ABCA4: variants seen among roughly 807,000 people sequenced by gnomAD.
ABCA4 encodes ATP binding cassette subfamily A member 4.
ABCA4 carries 196 observed loss-of-function variants against 263.7 expected under a neutral mutation model. That is an observed-to-expected ratio of 0.74 (90% confidence interval 0.66 to 0.84). The LOEUF (loss-of-function observed/expected upper bound fraction) is 0.84. ABCA4 is among the 40% of genes least tolerant of loss of function. The pLI, the probability that ABCA4 is intolerant of heterozygous loss-of-function variation, is 0.00. For missense variants in ABCA4, 2,792 were observed against 2,855.1 expected (o/e 0.98, Z 0.50); for synonymous variants, 1,133 against 1,094.2 (o/e 1.04, Z -0.70).
At position 94,099,003 on chromosome 1, in the gene ABCA4, A is replaced by C. The variant is rs1357187982; in HGVS notation, c.571-12T>G. 3.7e-6 allele frequency: 6 copies of C among 1,600,932 alleles called. No individual in the cohort carries two copies. The highest frequency in any genetic ancestry group is 3.4e-5 in the Admixed American group (2 of 59,614). On this transcript the variant is annotated splice_polypyrimidine_tract_variant and intron_variant, in intron 5 of 49. Transcript: ENST00000370225. Reference sequence around the variant, plus strand: ...ACTCCATGAGCGAACTGCAGGGAGAAGAGGCAACACTAGAAACTGCCCTGT... The same window carrying C: ...ACTCCATGAGCGAACTGCAGGGAGACGAGGCAACACTAGAAACTGCCCTGT...
chr1:94,078,547 G>T, intron 10 of ABCA4, 43 bp downstream of exon 10: 5 of 885,856 alleles, frequency 5.6e-6, no homozygotes, highest in Non-Finnish European at 8.9e-6. Context: ...TGCCCCCACC[G>T]CTTCCTCCTC....
At chr1:94,029,381 A>T in intron 30 of ABCA4, 64 bp downstream of exon 30, 1 of 1,386,090 alleles carries the variant, frequency 7.2e-7, no homozygotes, top group Non-Finnish European at 9.7e-7. Context: ...AGGAGATACC[A>T]GGGACTCCCC....
At position 94,054,842 on chromosome 1, in the gene ABCA4, C is replaced by T. The variant is rs75197161; in HGVS notation, c.2587+269G>A. The stretch of plus-strand genomic sequence containing the variant: ...AAAGGATCTCCCTGAATACAGTGTG[C>T]AGAATGGACTGATGGGAGGTGGTAG... On this transcript the variant is annotated intron_variant, in intron 16 of 49. Coordinates refer to ENST00000370225, the MANE Select transcript of ABCA4 (RefSeq NM_000350.3). Among the ~76,000 whole-genome samples the T allele has an allele frequency of 5.1e-3, 783 of 152,130 alleles. 17 individuals are homozygous for T. The highest frequency in any genetic ancestry group is 0.035 in the East Asian group (182 of 5,164).
intron 11 of ABCA4, among the ~76,000 whole-genome samples, chr1:94,076,604 T>C (rs1661543766): frequency 6.6e-6 from 1 of 152,016 alleles, no homozygotes; most frequent in African/African-American, 2.4e-5. Context: ...GGTAGCAGAG[T>C]TGAGCAAGGG....
rs530585857 is a variant in ABCA4 at position 94,004,630 on chromosome 1, T to A, written c.6147+811A>T. On this transcript the variant is annotated intron_variant, in intron 44 of 49. Transcript: ENST00000370225. Reference sequence around the variant, plus strand: ...GTTACTTTATTTAGTTTGCTGTCAGTGTTAGGTTTTCTTTTTGTTTTCATT... The same window carrying A: ...GTTACTTTATTTAGTTTGCTGTCAGAGTTAGGTTTTCTTTTTGTTTTCATT... Among the ~76,000 whole-genome samples the A allele has an allele frequency of 2.1e-3, 315 of 152,336 alleles. 2 individuals are homozygous for A. The highest frequency in any genetic ancestry group is 7.3e-3 in the African/African-American group (303 of 41,582).
chr1:94,014,529 A>G lies in ABCA4; in HGVS notation c.5460+14T>C, dbSNP rs778171793. 6.2e-6 allele frequency: 10 copies of G among 1,613,996 alleles called. No individual in the cohort carries two copies. The African/African-American group carries it at 1.2e-4, about 19-fold the overall frequency. ...CTACTAATCAAACAAAAAAGCCAAG[A>G]AAGTTATGCTCACCCGGTTATTCTC... On this transcript the variant is annotated intron_variant, in intron 38 of 49. Transcript: ENST00000370225.
intron 11 of ABCA4, among the ~76,000 whole-genome samples, chr1:94,068,729 T>C (rs1039983983): frequency 6.6e-6 from 1 of 152,082 alleles, no homozygotes; most frequent in Non-Finnish European, 1.5e-5. Flanking sequence ...AGAATGTAGG[T>C]AGACAAGAAC....
At chr1:94,015,036 T>C (rs1166021757) in intron 37 of ABCA4, among the ~76,000 whole-genome samples, 1 of 152,132 alleles carries the variant, frequency 6.6e-6, no homozygotes, top group East Asian at 1.9e-4. Context: ...GCTGAGGTCA[T>C]CTCAGATGAG....
chr1:94,029,535 G>A lies in ABCA4; in HGVS notation c.4449C>T (p.Asn1483=), dbSNP rs1660139227. The A allele has an allele frequency of 3.7e-6, 6 of 1,612,216 alleles. No individual in the cohort carries two copies. The highest frequency in any genetic ancestry group is 5.1e-6 in the Non-Finnish European group (6 of 1,179,168). Reference sequence around the variant, plus strand: ...TGCTGCACCTGCAGGATGGTGAAGGGTTGACCTGTGTCCATTTCTGCTTCT... The same window carrying A: ...TGCTGCACCTGCAGGATGGTGAAGGATTGACCTGTGTCCATTTCTGCTTCT... ...LFQKQKWTQV[N]PSPSCRCSTR... is the part of the protein sequence containing the mutation. The change falls in exon 30 of 50, where the codon AAC becomes AAT. Residue 1483 remains asparagine, a synonymous_variant. Transcript: ENST00000370225.
At chr1:94,057,502 A>G (rs1449724733) in intron 14 of ABCA4, among the ~76,000 whole-genome samples, 1 of 152,098 alleles carries the variant, frequency 6.6e-6, no homozygotes, top group African/African-American at 2.4e-5. Context: ...GAGCTTCAAC[A>G]TTTTGCCTGG....
intron 5 of ABCA4, among the ~76,000 whole-genome samples, chr1:94,101,739 A>C (rs1662292388): frequency 1.3e-5 from 2 of 152,338 alleles, no homozygotes; most frequent in Admixed American, 1.3e-4. Context: ...CAGCTGCTGC[A>C]GATCTAGCAT....
Position 94,041,246 on chromosome 1 carries a change from T to A in ABCA4, c.3485A>T (p.Lys1162Met), listed in dbSNP as rs1361239964. The A allele has an allele frequency of 6.2e-7, 1 of 1,614,188 alleles. No homozygotes were observed. Among genetic ancestry groups the A allele is most frequent in the Admixed American group, 1.7e-5 (1 of 60,026 alleles). Residue 1162 changes from lysine to methionine, a missense_variant, in exon 23 of 50, where the codon AAG becomes ATG. Physicochemically the swap from Lys to Met is moderately conservative, Grantham distance 95. Transcript: ENST00000370225. ...CCTTTGGCTCTGGATGTTTTTCATC[T>A]TGCGCACCAAGGTTAAGTACAAGCC... ...GTGLYLTLVRKMKNIQSQRKG... is the reference protein window; with the variant it reads ...GTGLYLTLVRMMKNIQSQRKG...
At chr1:94,006,838 T>G (rs763842402) in intron 43 of ABCA4, among the ~76,000 whole-genome samples, 1 of 152,198 alleles carries the variant, frequency 6.6e-6, no homozygotes, top group Non-Finnish European at 1.5e-5. Flanking sequence ...CTAACTCCAC[T>G]TATAAACCAG....
At chr1:94,035,630 G>C (rs1029482777) in intron 26 of ABCA4, among the ~76,000 whole-genome samples, 40 of 152,210 alleles carry the variant, frequency 2.6e-4, no homozygotes, top group African/African-American at 9.4e-4. Context: ...TGCCACACTG[G>C]AAAGAAGGAG....
chr1:94,094,790 G>A (rs968580632), intron 6 of ABCA4, among the ~76,000 whole-genome samples: 1 of 152,180 alleles, frequency 6.6e-6, no homozygotes, highest in Non-Finnish European at 1.5e-5. Context: ...GGAGAAGGAG[G>A]GGCATGCATG....
intron 26 of ABCA4, among the ~76,000 whole-genome samples, chr1:94,034,547 T>C (rs577847649): frequency 2.0e-5 from 3 of 151,942 alleles, no homozygotes; most frequent in Admixed American, 1.3e-4. Context: ...ATTTAAACAC[T>C]GGAGACAAGA....
chr1:94,051,259 T>C (rs1343146872), intron 17 of ABCA4, among the ~76,000 whole-genome samples: 2 of 152,182 alleles, frequency 1.3e-5, no homozygotes, highest in African/African-American at 4.8e-5. Flanking sequence ...AGGAAGGCAA[T>C]GGGAGATGAA....
At chr1:94,006,718 C>A (rs767455704) in intron 43 of ABCA4, among the ~76,000 whole-genome samples, 1 of 152,316 alleles carries the variant, frequency 6.6e-6, no homozygotes, top group Non-Finnish European at 1.5e-5. Flanking sequence ...GCCAGTGAAG[C>A]GTGCTCAGGA....
intron 49 of ABCA4, 139 bp from the exon 50 acceptor site, chr1:93,993,381 AC>A: frequency 9.1e-7 from 1 of 1,093,114 alleles, no homozygotes; most frequent in Non-Finnish European, 1.4e-6. Context: ...CTGTCAGATC[AC>A]CCAGGTTATG....
Sources: allele counts gnomAD v4.1 joint callset (sites outside exome capture counted in the v4.1 genomes callset), GRCh38; gene constraint gnomAD v4.1.1; transcripts MANE v1.5; gene names NCBI Gene and HGNC (gene_info 2026-07-23, HGNC 2026-07-21).